Variants in DLG5 observed in about 807,000 individuals in gnomAD.
The protein encoded by DLG5 is discs large MAGUK scaffold protein 5, also known as disks large homolog 5.
DLG5 carries 48 observed loss-of-function variants against 189.8 expected under a neutral mutation model. The ratio of observed to expected loss-of-function variants is 0.25; its 90% CI spans 0.20 to 0.32. DLG5 has a LOEUF of 0.32. Among genes scored for constraint, DLG5 ranks in the 10% least tolerant of loss-of-function variants. DLG5 has a pLI of 1.00. For synonymous variants in DLG5, 1,016 were observed against 1,054.1 expected (o/e 0.96, Z 0.70); for missense variants, 2,160 against 2,544.7 (o/e 0.85, Z 3.25).
At chr10:77,856,495 A>T (rs1415057537) in intron 3 of DLG5, among the ~76,000 whole-genome samples, 1 of 151,966 alleles carries the variant, frequency 6.6e-6, no homozygotes, top group Non-Finnish European at 1.5e-5. Context: ...GACTTTGCAC[A>T]CAAGCACACC....
chr10:77,913,799 G>T (rs532852289), intron 1 of DLG5, among the ~76,000 whole-genome samples: 1 of 152,018 alleles, frequency 6.6e-6, no homozygotes, highest in South Asian at 2.1e-4. Context: ...GTGTTGCCCA[G>T]GCTGGTCTCA....
the DLG5 span, among the ~76,000 whole-genome samples, chr10:77,934,784 G>A: frequency 6.6e-6 from 1 of 151,974 alleles, no homozygotes; most frequent in Admixed American, 6.6e-5. Context: ...AGAGAAACCT[G>A]CCAAGCTGAC....
chr10:77,833,260 G>A (rs1842963116), intron 9 of DLG5, among the ~76,000 whole-genome samples: 2 of 152,280 alleles, frequency 1.3e-5, no homozygotes, highest in Middle Eastern at 6.8e-3. Flanking sequence ...TCGAGGGGAG[G>A]ATGTCTGACA....
intron 15 of DLG5, chr10:77,820,495 C>T (rs962971711): frequency 6.1e-6 from 1 of 163,112 alleles, no homozygotes; most frequent in Non-Finnish European, 1.3e-5. Context: ...TACACATCTT[C>T]AAGGAAGCAG....
chr10:77,902,770 G>C (rs934101969), intron 1 of DLG5, among the ~76,000 whole-genome samples: 1 of 152,066 alleles, frequency 6.6e-6, no homozygotes, highest in Non-Finnish European at 1.5e-5. Flanking sequence ...TGAGGCAGGA[G>C]AATGGCGTGA....
chr10:77,913,193 G>C (rs1296454391), intron 1 of DLG5, among the ~76,000 whole-genome samples: 1 of 152,150 alleles, frequency 6.6e-6, no homozygotes, highest in Non-Finnish European at 1.5e-5. Flanking sequence ...AACAGTTTCA[G>C]GATTGCAAGT....
chr10:77,865,581 G>GT (rs1234181447), intron 2 of DLG5, among the ~76,000 whole-genome samples: 2 of 152,146 alleles, frequency 1.3e-5, no homozygotes, highest in African/African-American at 2.4e-5. Flanking sequence ...AACCTCCCCA[G>GT]TTTTCCAAGA....
intron 5 of DLG5, among the ~76,000 whole-genome samples, chr10:77,849,428 C>T (rs1274489910): frequency 6.6e-6 from 1 of 152,374 alleles, no homozygotes; most frequent in East Asian, 1.9e-4. Flanking sequence ...GGCATCCACT[C>T]CACGCCTGAT....
At chr10:77,819,691 T>C (rs987748693) in intron 16 of DLG5, 9 of 1,063,650 alleles carry the variant, frequency 8.5e-6, no homozygotes, top group Admixed American at 5.2e-5. Flanking sequence ...CAGGTTGCTA[T>C]GGGGAGAAAG....
intron 1 of DLG5, among the ~76,000 whole-genome samples, chr10:77,886,070 A>G (rs1243116205): frequency 6.6e-6 from 1 of 152,274 alleles, no homozygotes; most frequent in Non-Finnish European, 1.5e-5. Context: ...AATGGCTCCC[A>G]GCCTGGCTGT....
chr10:77,875,923 C>T lies in DLG5; in HGVS notation c.305-6726G>A, dbSNP rs560207399. Among the ~76,000 whole-genome samples, 316 of 152,136 alleles carry T rather than the reference C, an allele frequency of 2.1e-3. 1 individual carries two copies. Among genetic ancestry groups the T allele is most frequent in the African/African-American group, 7.4e-3 (309 of 41,500 alleles). On this transcript the variant is annotated intron_variant, in intron 1 of 31. Transcript: ENST00000372391. Reference sequence around the variant, plus strand: ...CGGCCCAAGGCTACAGACACTGAAACCCAAACTGGGAAGCGGACAAGGCCC... The same window carrying T: ...CGGCCCAAGGCTACAGACACTGAAATCCAAACTGGGAAGCGGACAAGGCCC...
chr10:77,821,659 T>C lies in DLG5; in HGVS notation c.2825A>G (p.Asn942Ser), dbSNP rs776290191. 1.4e-5 allele frequency: 23 copies of C among 1,613,076 alleles called. No homozygotes were observed. The highest frequency in any genetic ancestry group is 1.8e-5 in the Non-Finnish European group (21 of 1,179,954). ...SLDKADSEGSNSGGTWPKAML... is the reference protein window; with the variant it reads ...SLDKADSEGSSSGGTWPKAML... ...GGCCTTGGGCCAGGTCCCGCCGCTG[T>C]TGGAGCCTTCAGAGTCTGCCTTGTC... Residue 942 changes from asparagine to serine, a missense_variant, in exon 15 of 32, where the codon AAC becomes AGC. This residue lies in a region of DLG5 where 754 missense variants were observed against 746.5 expected (regional missense o/e 1.01). Coordinates refer to ENST00000372391, the MANE Select transcript of DLG5 (RefSeq NM_004747.4).
In DLG5 at chr10:77,824,420, G is replaced by C. The variant is rs1248629; in HGVS notation, c.2346C>G (p.Arg782=). 0.67 allele frequency: 1,077,823 copies of C among 1,612,766 alleles called. 362,769 individuals are homozygous for C. The highest frequency in any genetic ancestry group is 0.85 in the African/African-American group (63,677 of 74,998). The change falls in exon 14 of 32, where the codon CGC becomes CGG. Residue 782 remains arginine, a synonymous_variant. Coordinates refer to ENST00000372391, the MANE Select transcript of DLG5 (RefSeq NM_004747.4). ...KSLNECESLL[R]SCQDSLTLSL... ...ACAGGGTCAGGGAGTCCTGGCAGCT[G>C]CGCAGCAGAGATTCACATTCATTCA...
At chr10:77,862,235 C>G (rs1844500124) in intron 2 of DLG5, among the ~76,000 whole-genome samples, 1 of 152,058 alleles carries the variant, frequency 6.6e-6, no homozygotes, top group Admixed American at 6.6e-5. Flanking sequence ...CCCAGCAGAG[C>G]CCATCTTATC....
chr10:77,867,114 T>C (rs1271203030), intron 2 of DLG5: 3 of 456,308 alleles, frequency 6.6e-6, no homozygotes, highest in African/African-American at 2.0e-5. Context: ...TTCAGGTGAG[T>C]GCAGAACCAA....
chr10:77,906,024 C>T (rs1846061417), intron 1 of DLG5, among the ~76,000 whole-genome samples: 1 of 152,228 alleles, frequency 6.6e-6, no homozygotes, highest in Non-Finnish European at 1.5e-5. Flanking sequence ...GGACTACAGA[C>T]TCATACCCAC....
chr10:77,856,422 A>T (rs1379376503), intron 3 of DLG5, among the ~76,000 whole-genome samples: 2 of 151,674 alleles, frequency 1.3e-5, no homozygotes, highest in East Asian at 3.9e-4. Context: ...AGCTTCACTC[A>T]ACTTAGGCAG....
At position 77,853,556 on chromosome 10, in the gene DLG5, G is replaced by A. The variant is rs777674238; in HGVS notation, c.681-19C>T. 6.0e-5 allele frequency: 93 copies of A among 1,552,648 alleles called. No individual in the cohort carries two copies. In the Middle Eastern group the frequency reaches 1.2e-3, roughly 20 times the overall value. On this transcript the variant is annotated intron_variant, in intron 4 of 31. Coordinates refer to ENST00000372391, the MANE Select transcript of DLG5 (RefSeq NM_004747.4). ...GAGTGTGCTGAAACACCCGGTACAT[G>A]CTCAGTGAGCCCCAGCCAGCCCCTC...
At chr10:77,858,632 T>A (rs1844347381) in intron 2 of DLG5, among the ~76,000 whole-genome samples, 1 of 152,018 alleles carries the variant, frequency 6.6e-6, no homozygotes, top group Admixed American at 6.6e-5. Flanking sequence ...AGCAAGAACT[T>A]CTCTCTAAAA....
Sources: gnomAD v4.1 joint callset for allele counts (sites outside exome capture counted in the v4.1 genomes callset) on GRCh38, gnomAD v4.1.1 for gene constraint, gnomAD v4.1.1 regional missense constraint, MANE v1.5 for transcripts, NCBI Gene and HGNC (gene_info 2026-07-23, HGNC 2026-07-21) for gene names.